Variants in PRRG1 observed in about 807,000 individuals in gnomAD.
The protein encoded by PRRG1 is transmembrane gamma-carboxyglutamic acid protein 1.
Under a neutral mutation model 11.8 loss-of-function variants are expected in PRRG1, and 5 were observed. The observed-to-expected ratio is 0.42, with a 90% CI of 0.22 to 0.89. PRRG1 has a LOEUF of 0.89. Among genes scored for constraint, PRRG1 ranks in the 40% least tolerant of loss-of-function variants. The probability of loss-of-function intolerance (pLI) is 0.28; values close to 1 mark genes in which losing one functional copy is unlikely to be tolerated. For missense variants in PRRG1, 155 were observed against 166.1 expected, an observed-to-expected ratio of 0.93 and a Z score of 0.37; for synonymous variants, 66 against 60.4, an observed-to-expected ratio of 1.09 and a Z score of -0.43.
At chrX:37,352,116 T>C (rs1323329378) in intron 1 of PRRG1, among the ~76,000 whole-genome samples, 3 of 111,954 alleles carry the variant, frequency 2.7e-5, no homozygotes, top group Non-Finnish European at 5.6e-5. Context: ...CCAGCCTTCT[T>C]CTCCTGAATG....
chrX:37,430,205 C>T (rs1259230678), intron 3 of PRRG1, among the ~76,000 whole-genome samples: 2 of 111,003 alleles, frequency 1.8e-5, no homozygotes, highest in African/African-American at 6.6e-5. Context: ...CTAGAATATG[C>T]TCATTGCTAC....
chrX:37,425,078 A>G (rs1932757480), intron 2 of PRRG1, among the ~76,000 whole-genome samples: 2 of 111,172 alleles, frequency 1.8e-5, no homozygotes, highest in Admixed American at 1.9e-4. Context: ...CTTAAAATGT[A>G]TTTGTATTTA....
chrX:37,428,007 C>T (rs1556388883), intron 3 of PRRG1, among the ~76,000 whole-genome samples: 3 of 111,244 alleles, frequency 2.7e-5, no homozygotes, highest in East Asian at 2.8e-4. Context: ...CGGAAACCCT[C>T]GATAAACCCA....
chrX:37,375,109 T>G (rs1246064016), intron 1 of PRRG1, among the ~76,000 whole-genome samples: 1 of 112,115 alleles, frequency 8.9e-6, no homozygotes, highest in African/African-American at 3.2e-5. Flanking sequence ...TATGTAATTC[T>G]TTCTGTTGTA....
At chrX:37,399,749 G>C (rs1931885925) in intron 1 of PRRG1, among the ~76,000 whole-genome samples, 1 of 106,006 alleles carries the variant, frequency 9.4e-6, no homozygotes, top group East Asian at 2.9e-4. Context: ...CTCACGTTCA[G>C]AGACACACAT....
intron 1 of PRRG1, among the ~76,000 whole-genome samples, chrX:37,390,678 C>T (rs1556376420): frequency 8.9e-6 from 1 of 112,234 alleles, no homozygotes; most frequent in African/African-American, 3.2e-5. Flanking sequence ...ACTACTCTTA[C>T]TGTCACAGAG....
intron 1 of PRRG1, among the ~76,000 whole-genome samples, chrX:37,396,001 C>A (rs933737875): frequency 6.3e-5 from 7 of 111,909 alleles, no homozygotes; most frequent in Non-Finnish European, 1.3e-4. Context: ...GGATCTCCAT[C>A]TAAAACATAG....
chrX:37,415,799 C>T (rs1860898025), intron 2 of PRRG1, among the ~76,000 whole-genome samples: 1 of 111,598 alleles, frequency 9.0e-6, no homozygotes, highest in Non-Finnish European at 1.9e-5. Context: ...TTAGGATCTC[C>T]CACAATATCT....
intron 3 of PRRG1, among the ~76,000 whole-genome samples, chrX:37,440,136 G>A (rs1932949428): frequency 9.0e-6 from 1 of 111,530 alleles, no homozygotes. Flanking sequence ...AATGTCCTTT[G>A]GGATAGACAA....
rs1357584256 is a variant in PRRG1, at chrX:37,376,549, GTGTATATA to G, written c.-42+27156_-42+27163del. On this transcript the variant is annotated intron_variant, in intron 1 of 3. Coordinates refer to ENST00000378628, the MANE Select transcript of PRRG1 (RefSeq NM_001142395.2). ...GTTCAGTGTTTAGTCAGAAATGTGAGTGTATATATATATATATATATATGTGCTGAGGA... is the reference window on the plus strand; with the variant it reads ...GTTCAGTGTTTAGTCAGAAATGTGAGTATATATATATATATGTGCTGAGGA... Among the ~76,000 whole-genome samples, 18 of 16,018 alleles carry G rather than the reference GTGTATATA, an allele frequency of 1.1e-3. 2 individuals carry two copies. The highest frequency in any genetic ancestry group is 4.4e-3 in the East Asian group (1 of 226). The allele number at this position is 16,018 out of a possible 115,157, so 13.9% of individuals were successfully genotyped here. A position where few individuals can be genotyped will look rare whatever the true frequency, so the allele number is the denominator to read the frequency against.
At chrX:37,362,795 C>T (rs1325272321) in intron 1 of PRRG1, among the ~76,000 whole-genome samples, 3 of 111,034 alleles carry the variant, frequency 2.7e-5, no homozygotes, top group African/African-American at 9.8e-5. Context: ...TCTACTTCAA[C>T]TGGGGCTGTC....
In PRRG1 at chrX:37,441,659, A is replaced by G. The variant is rs181409230; in HGVS notation, c.172-11477A>G. ...ATGGCCTTCTACTTCGACCGGGACA[A>G]TGCGGCCCTGGAGCACTTTAGCCGC... On this transcript the variant is annotated intron_variant, in intron 3 of 3. Transcript: ENST00000378628. 1.6e-3 allele frequency: 1,277 copies of G among 800,146 alleles called. 1 individual carries two copies. Among genetic ancestry groups the G allele is most frequent in the Middle Eastern group, 2.7e-3 (7 of 2,564 alleles). The allele number at this position is 800,146 out of a possible 1,213,427, so 65.9% of individuals were successfully genotyped here.
At chrX:37,414,009 T>C (rs781794731) in intron 2 of PRRG1, among the ~76,000 whole-genome samples, 1 of 111,956 alleles carries the variant, frequency 8.9e-6, no homozygotes, top group South Asian at 3.8e-4. Flanking sequence ...TTATGCCATC[T>C]AGGCTTGTGT....
At chrX:37,413,872 A>G (rs1211558270) in intron 2 of PRRG1, among the ~76,000 whole-genome samples, 2 of 112,108 alleles carry the variant, frequency 1.8e-5, no homozygotes, top group Non-Finnish European at 3.8e-5. Flanking sequence ...AAATACTTAC[A>G]TTATGTTACT....
chrX:37,350,176 A>G (rs1221297769), intron 1 of PRRG1, among the ~76,000 whole-genome samples: 1 of 111,869 alleles, frequency 8.9e-6, no homozygotes, highest in Non-Finnish European at 1.9e-5. Flanking sequence ...CAAGAGGGAT[A>G]TGACTGGAAA....
chrX:37,449,916 A>G (rs1240520477), intron 3 of PRRG1, among the ~76,000 whole-genome samples: 1 of 112,563 alleles, frequency 8.9e-6, no homozygotes, highest in Non-Finnish European at 1.9e-5. Flanking sequence ...TTACAGAAAC[A>G]TAATTTGAAA....
intron 1 of PRRG1, among the ~76,000 whole-genome samples, chrX:37,394,940 A>G (rs1231979072): frequency 6.2e-5 from 7 of 112,124 alleles, no homozygotes; most frequent in African/African-American, 2.3e-4. Context: ...GTATTGAACC[A>G]TATTGACCAA....
At chrX:37,417,005 C>T (rs998712395) in intron 2 of PRRG1, among the ~76,000 whole-genome samples, 3 of 111,312 alleles carry the variant, frequency 2.7e-5, no homozygotes, top group African/African-American at 9.8e-5. Flanking sequence ...GTTAGTGTCA[C>T]TCTGGTGGGA....
intron 3 of PRRG1, chrX:37,442,329 G>A (rs1381677474): frequency 3.7e-6 from 2 of 546,157 alleles, no homozygotes; most frequent in Non-Finnish European, 4.4e-6. Context: ...TCTCCACCCA[G>A]TCCTGTCCCA....
Sources: allele counts gnomAD v4.1 joint callset (sites outside exome capture counted in the v4.1 genomes callset), GRCh38; gene constraint gnomAD v4.1.1; transcripts MANE v1.5; gene names NCBI Gene and HGNC (gene_info 2026-07-23, HGNC 2026-07-21).